ABCA4: variants seen among roughly 807,000 people sequenced by gnomAD.
ABCA4 encodes the protein ATP binding cassette subfamily A member 4.
ABCA4 carries 196 observed loss-of-function variants against 263.7 expected under a neutral mutation model. That is an observed-to-expected ratio of 0.74 (90% confidence interval 0.66 to 0.84). The LOEUF is 0.84. ABCA4 is among the 40% of genes least tolerant of loss of function. ABCA4 has a pLI of 0.00. For synonymous variants in ABCA4, 1,133 were observed against 1,094.2 expected (o/e 1.04, Z -0.70); for missense variants, 2,792 against 2,855.1 (o/e 0.98, Z 0.50).
At position 94,000,936 on chromosome 1, in the gene ABCA4, G is replaced by A; in HGVS notation, c.6387-8C>T. On this transcript the variant is annotated splice_region_variant and splice_polypyrimidine_tract_variant and intron_variant, in intron 46 of 49. Coordinates refer to ENST00000370225, the MANE Select transcript of ABCA4 (RefSeq NM_000350.3). ...GCCTCACATTCTTCCATGCTGTGGG[G>A]CAGGAGAGAGGAGGTGAGCAGGAGA... is the stretch of plus-strand genomic sequence containing the variant. The A allele has an allele frequency of 6.2e-6, 10 of 1,614,190 alleles. No individual in the cohort carries two copies. The highest frequency in any genetic ancestry group is 8.5e-6 in the Non-Finnish European group (10 of 1,180,028).
intron 1 of ABCA4, among the ~76,000 whole-genome samples, chr1:94,117,003 T>TTTCTTTCTTTCC (rs1459586891): frequency 8.4e-6 from 1 of 118,872 alleles, no homozygotes; most frequent in Non-Finnish European, 1.9e-5. Context: ...TCTTTCTTTC[T>TTTCTTTCTTTCC]TTCTTTCTTT....
intron 45 of ABCA4, 192 bp downstream of exon 45, chr1:94,001,666 T>C (rs1397249077): frequency 1.5e-5 from 12 of 819,730 alleles, no homozygotes; most frequent in Non-Finnish European, 2.4e-5. Flanking sequence ...GGCTGTGCCG[T>C]GACTTGTTTT....
chr1:94,076,024 T>C (rs765149291), intron 11 of ABCA4, among the ~76,000 whole-genome samples: 5 of 152,158 alleles, frequency 3.3e-5, no homozygotes, highest in Non-Finnish European at 7.4e-5. Context: ...TCTCAAAGAA[T>C]GAATGAGTAG....
rs888678631 is a variant in ABCA4, at chr1:94,060,696, G to A, written c.2001C>T (p.Val667=). The change falls in exon 14 of 50, where the codon GTC becomes GTT. Residue 667 remains valine, a synonymous_variant. Coordinates refer to ENST00000370225, the MANE Select transcript of ABCA4 (RefSeq NM_000350.3). ...IFMVLAWIYS[V]SMTVKSIVLE... is the part of the protein sequence containing the mutation. ...AGACGATGCTCTTCACAGTCATGGA[G>A]ACAGAGTAGATCCATGCCAGCACCA... 7 of 1,614,026 alleles carry A rather than the reference G, an allele frequency of 4.3e-6. No individual in the cohort carries two copies. The highest frequency in any genetic ancestry group is 5.1e-6 in the Non-Finnish European group (6 of 1,180,022).
At chr1:94,044,278 CAATGGTT>C (rs1660608395) in intron 20 of ABCA4, among the ~76,000 whole-genome samples, 3 of 152,186 alleles carry the variant, frequency 2.0e-5, no homozygotes, top group Non-Finnish European at 4.4e-5. Context: ...GAAAAAGGAA[CAATGGTT>C]CTCCTGTCTT....
chr1:93,999,684 C>A, intron 47 of ABCA4, among the ~76,000 whole-genome samples: 1 of 152,194 alleles, frequency 6.6e-6, no homozygotes, highest in Non-Finnish European at 1.5e-5. Flanking sequence ...CAGTCTAGGG[C>A]TGTTCTCCTC....
rs200297761 is a variant in ABCA4, at chr1:94,011,364, C to T, written c.5482G>A (p.Val1828Met). The T allele has an allele frequency of 4.6e-5, 75 of 1,614,044 alleles. No homozygotes were observed. Among genetic ancestry groups the T allele is most frequent in the Admixed American group, 3.0e-4 (18 of 60,018 alleles). The change falls in exon 39 of 50, where the codon GTG becomes ATG. Residue 1828 changes from valine (V) to methionine (M), a missense_variant. Val to Met is a conservative substitution (Grantham distance 21, BLOSUM62 1). Transcript: ENST00000370225. The stretch of plus-strand genomic sequence containing the variant: ...AAGACAATGAGCAGCTTCCTCAGCA[C>T]GGCGTTGAACCTGAGCAGCGTCTGA... The part of the protein sequence containing the change: ...NNRTLLRFNA[V>M]LRKLLIVFPH...
intron 25 of ABCA4, 45 bp downstream of exon 25, chr1:94,037,100 C>T (rs1202848294): frequency 3.1e-6 from 5 of 1,594,978 alleles, no homozygotes; most frequent in Non-Finnish European, 4.3e-6. Context: ...CAAAGAACCG[C>T]CACTTCTGGC....
Position 94,031,807 on chromosome 1 carries a change from T to C in ABCA4, c.4099A>G (p.Ile1367Val). 1 of 1,613,962 alleles carries C rather than the reference T, an allele frequency of 6.2e-7. No homozygotes were observed. The highest frequency in any genetic ancestry group is 1.1e-5 in the South Asian group (1 of 91,070). The part of the protein sequence containing the change: ...ALLVKRFQHT[I>V]RSHKDFLAQI... ...GCCAGGAAGTCCTTGTGGCTGCGGA[T>C]GGTGTGTTGGAATCTCTTGACCAGC... is the stretch of plus-strand genomic sequence containing the variant. Residue 1367 changes from isoleucine (I) to valine (V), a missense_variant, in exon 27 of 50, where the codon ATC becomes GTC. Ile to Val is a conservative substitution (Grantham distance 29). Coordinates refer to ENST00000370225, the MANE Select transcript of ABCA4 (RefSeq NM_000350.3).
rs372539921 is a variant in ABCA4 at position 93,995,149 on chromosome 1, G to C, written c.6816+960C>G. 1.8e-4 allele frequency among the ~76,000 whole-genome samples: 28 copies of C among 152,334 alleles called. 2 individuals carry two copies. The highest frequency in any genetic ancestry group is 9.8e-4 in the Admixed American group (15 of 15,304). ...CCCTCTGGCAGGTAAGGGGTGGGAA[G>C]ACAAAGTCAGTTTTGCCAAGTAGCC... On this transcript the variant is annotated intron_variant, in intron 49 of 49. Coordinates refer to ENST00000370225, the MANE Select transcript of ABCA4 (RefSeq NM_000350.3).
rs111309797 is a variant in ABCA4 at position 94,090,666 on chromosome 1, C to A, written c.769-7225G>T. Among the ~76,000 whole-genome samples, 27 of 152,246 alleles carry A rather than the reference C, an allele frequency of 1.8e-4. 1 individual carries two copies. Among genetic ancestry groups the A allele is most frequent in the African/African-American group, 6.3e-4 (26 of 41,534 alleles). ...TATTTACCACTTTTATTTTGGTTTG[C>A]TGTTATTTTTTAATGTATCTATCTC... is the stretch of plus-strand genomic sequence containing the variant. On this transcript the variant is annotated intron_variant, in intron 6 of 49. Coordinates refer to ENST00000370225, the MANE Select transcript of ABCA4 (RefSeq NM_000350.3).
Position 94,044,738 on chromosome 1 carries a change from G to A in ABCA4, c.2925C>T (p.Ile975=). Residue 975 remains isoleucine, a synonymous_variant, in exon 20 of 50, where the codon ATC becomes ATT. Coordinates refer to ENST00000370225, the MANE Select transcript of ABCA4 (RefSeq NM_000350.3). Reference sequence around the variant, plus strand: ...AGGTTGGTGGCAACAGACCCGTCAGGATGGACCTGCAGAACACAGGCGTCA... The same window carrying A: ...AGGTTGGTGGCAACAGACCCGTCAGAATGGACCTGCAGAACACAGGCGTCA... ...NGAGKTTTLS[I]LTGLLPPTSG... is the part of the protein sequence containing the mutation. 2.5e-6 allele frequency: 4 copies of A among 1,614,204 alleles called. No individual in the cohort carries two copies. Among genetic ancestry groups the A allele is most frequent in the Non-Finnish European group, 3.4e-6 (4 of 1,180,028 alleles).
chr1:94,083,515 A>G (rs1661757527), intron 6 of ABCA4, 74 bp from the exon 7 acceptor site: 3 of 1,168,052 alleles, frequency 2.6e-6, no homozygotes, highest in Non-Finnish European at 3.8e-6. Context: ...GCACAGTCTG[A>G]TCTCCTATAT....
At chr1:94,086,705 TA>T (rs1403777459) in intron 6 of ABCA4, among the ~76,000 whole-genome samples, 1 of 152,198 alleles carries the variant, frequency 6.6e-6, no homozygotes, top group East Asian at 1.9e-4. Context: ...AACTTCTTTT[TA>T]TATCTTTTTC....
At chr1:94,105,430 G>T (rs1270374132) in intron 4 of ABCA4, among the ~76,000 whole-genome samples, 1 of 152,180 alleles carries the variant, frequency 6.6e-6, no homozygotes, top group Non-Finnish European at 1.5e-5. Context: ...GGGGGAAGGG[G>T]GAGTGTGCTG....
At chr1:93,997,228 C>T (rs900622347) in intron 48 of ABCA4, among the ~76,000 whole-genome samples, 6 of 152,296 alleles carry the variant, frequency 3.9e-5, no homozygotes, top group Middle Eastern at 3.4e-3. Context: ...TCAAAACTCA[C>T]TAAACTGTAC....
At position 94,056,665 on chromosome 1, in the gene ABCA4, T is replaced by C. The variant is rs764727316; in HGVS notation, c.2318A>G (p.Tyr773Cys). 1.2e-6 allele frequency: 2 copies of C among 1,613,818 alleles called. No homozygotes were observed. Among genetic ancestry groups the C allele is most frequent in the Non-Finnish European group, 1.7e-6 (2 of 1,179,986 alleles). The change falls in exon 15 of 50, where the codon TAC (tyrosine) becomes TGC (cysteine). Residue 773 changes from tyrosine (Y) to cysteine (C), a missense_variant. Transcript: ENST00000370225. ...GGCGAAGCACAGGATGTGTGGCAGG[T>C]AGAGGGTGAAATAGATGACACCACT... ...ACSGVIYFTLYLPHILCFAWQ... is the reference protein window; with the variant it reads ...ACSGVIYFTLCLPHILCFAWQ...
At chr1:94,019,326 G>T in intron 36 of ABCA4, 1 of 481,108 alleles carries the variant, frequency 2.1e-6, no homozygotes, top group Non-Finnish European at 3.8e-6. Flanking sequence ...AGACCCCTCA[G>T]TGCAGGACAT....
In ABCA4 at chr1:94,062,712, A is replaced by C. The variant is rs1661165608; in HGVS notation, c.1802T>G (p.Phe601Cys). 11 of 1,614,024 alleles carry C rather than the reference A, an allele frequency of 6.8e-6. No homozygotes were observed. Among genetic ancestry groups the C allele is most frequent in the Non-Finnish European group, 9.3e-6 (11 of 1,180,032 alleles). Residue 601 changes from phenylalanine (F) to cysteine (C), a missense_variant, in exon 13 of 50, where the codon TTC (phenylalanine) becomes TGC (cysteine). Coordinates refer to ENST00000370225, the MANE Select transcript of ABCA4 (RefSeq NM_000350.3). ...GGCAAACCCGCCCCAGATGTACCGG[A>C]AATCTTCCACGGGATCAGCTCTGGG... ...SGPRADPVEDFRYIWGGFAYL... is the reference protein window; with the variant it reads ...SGPRADPVEDCRYIWGGFAYL...
Sources: gnomAD v4.1 joint callset for allele counts (sites outside exome capture counted in the v4.1 genomes callset) on GRCh38, gnomAD v4.1.1 for gene constraint, MANE v1.5 for transcripts, NCBI Gene and HGNC (gene_info 2026-07-23, HGNC 2026-07-21) for gene names.